Variants in SLC36A1 observed in about 807,000 individuals in gnomAD.
SLC36A1 encodes proton-coupled amino acid transporter 1.
In SLC36A1, 30 loss-of-function variants were observed where a neutral mutation model predicts 47.5. The ratio of observed to expected loss-of-function variants is 0.63; its 90% CI spans 0.47 to 0.86. The LOEUF is 0.86. SLC36A1 is among the 40% of genes least tolerant of loss of function. The pLI is 0.00. For missense variants in SLC36A1, 517 were observed against 606.0 expected, an observed-to-expected ratio of 0.85 and a Z score of 1.54; for synonymous variants, 255 against 249.7, an observed-to-expected ratio of 1.02 and a Z score of -0.20.
chr5:151,550,865 T>G, the SLC36A1 span: 1 of 1,612,780 alleles, frequency 6.2e-7, no homozygotes, highest in Non-Finnish European at 8.5e-7. Flanking sequence ...ATCATGAAGA[T>G]GTGGACCTAG....
At chr5:151,539,856 G>A in the SLC36A1 span, among the ~76,000 whole-genome samples, 2 of 152,170 alleles carry the variant, frequency 1.3e-5, no homozygotes, top group Non-Finnish European at 2.9e-5. Flanking sequence ...TGAATTACAT[G>A]AGATCCTTAG....
chr5:151,415,628 A>G, the SLC36A1 span, among the ~76,000 whole-genome samples: 1 of 152,132 alleles, frequency 6.6e-6, no homozygotes, highest in Non-Finnish European at 1.5e-5. Flanking sequence ...TCCCTACTAC[A>G]AGGTCATAAA....
At chr5:151,434,439 A>G (rs1037782010), upstream of SLC36A1, among the ~76,000 whole-genome samples, 8 of 152,338 alleles carry the variant, frequency 5.3e-5, no homozygotes, top group Admixed American at 5.2e-4. Flanking sequence ...TTTTAGTTGA[A>G]ATGGATGGGC....
the SLC36A1 span, among the ~76,000 whole-genome samples, chr5:151,414,536 C>T: frequency 2.0e-5 from 3 of 152,136 alleles, no homozygotes; most frequent in South Asian, 2.1e-4. Context: ...TTTCATCTGT[C>T]GTTGCTCAGA....
At chr5:151,513,588 TACTTG>T in the SLC36A1 span, among the ~76,000 whole-genome samples, 1 of 145,680 alleles carries the variant, frequency 6.9e-6, no homozygotes, top group African/African-American at 2.5e-5. Context: ...CATCAGGGCC[TACTTG>T]AGGGCAGAGG....
Position 151,455,731 on chromosome 5 carries a change from C to T in SLC36A1, c.-5-3057C>T, listed in dbSNP as rs374693474. On this transcript the variant is annotated intron_variant, in intron 1 of 10. Transcript: ENST00000243389. ...CTTGAACCAAGTGAGGACAGCTGCC[C>T]GGGACACACTTCCAAGTTGCCTGGG... 2.6e-5 allele frequency among the ~76,000 whole-genome samples: 4 copies of T among 152,272 alleles called. No homozygotes were observed. In the East Asian group the frequency reaches 7.7e-4, roughly 29 times the overall value.
intron 10 of SLC36A1, among the ~76,000 whole-genome samples, chr5:151,480,442 A>G (rs1453979386): frequency 6.6e-6 from 1 of 152,186 alleles, no homozygotes; most frequent in Non-Finnish European, 1.5e-5. Context: ...ATTAGGGTTG[A>G]ATGTTTTAAG....
the SLC36A1 span, among the ~76,000 whole-genome samples, chr5:151,404,486 G>C: frequency 6.6e-6 from 1 of 152,036 alleles, no homozygotes; most frequent in African/African-American, 2.4e-5. Flanking sequence ...GCCTTGATTG[G>C]GTAGTTGCTT....
At chr5:151,351,991 T>C in the SLC36A1 span, among the ~76,000 whole-genome samples, 12,027 of 152,266 alleles carry the variant, frequency 0.079, 1,229 homozygotes, top group African/African-American at 0.24. Flanking sequence ...ACCTTGTTCA[T>C]GTCTCTCCCT....
At chr5:151,510,203 C>A in the SLC36A1 span, 1 of 1,612,424 alleles carries the variant, frequency 6.2e-7, no homozygotes, top group Non-Finnish European at 8.5e-7. Context: ...AGGTGAGAGA[C>A]CGCACTGGCC....
chr5:151,493,049 T>C (rs1044960273), downstream of SLC36A1, among the ~76,000 whole-genome samples: 24 of 152,226 alleles, frequency 1.6e-4, no homozygotes, highest in Non-Finnish European at 2.9e-4. Flanking sequence ...TCCTACTGGC[T>C]TTGTTTCTCT....
the SLC36A1 span, among the ~76,000 whole-genome samples, chr5:151,552,571 G>A: frequency 6.6e-6 from 1 of 152,160 alleles, no homozygotes; most frequent in Non-Finnish European, 1.5e-5. Flanking sequence ...ATTTACATTT[G>A]TGTGTGTTTG....
At chr5:151,554,632 G>A in the SLC36A1 span, 1 of 1,614,016 alleles carries the variant, frequency 6.2e-7, no homozygotes, top group South Asian at 1.1e-5. Flanking sequence ...CCACCCTGGA[G>A]GTGGACTTCA....
At chr5:151,517,865 C>A in the SLC36A1 span, 2 of 1,411,932 alleles carry the variant, frequency 1.4e-6, no homozygotes, top group Non-Finnish European at 2.0e-6. Flanking sequence ...CAGACAGAAT[C>A]ATTGCTCATA....
chr5:151,382,024 C>G, the SLC36A1 span: 1 of 642,398 alleles, frequency 1.6e-6, no homozygotes, highest in Non-Finnish European at 2.8e-6. Context: ...ATGCCCAGCC[C>G]GGGAGCTCTC....
the SLC36A1 span, among the ~76,000 whole-genome samples, chr5:151,407,172 A>C: frequency 6.6e-6 from 1 of 152,214 alleles, no homozygotes; most frequent in African/African-American, 2.4e-5. Context: ...TATTGTGAAG[A>C]GCAAAAGAAC....
chr5:151,467,818 G>GTGC lies in SLC36A1; in HGVS notation c.622_624dup (p.Leu208dup). ...CATGCTCTCCTTCCTGCCCTTCCTG[G>GTGC]TGCTGCTGGTTTTCATCAGGAACCT... On this transcript the variant is annotated inframe_insertion, in exon 7 of 11. Coordinates refer to ENST00000243389, the MANE Select transcript of SLC36A1 (RefSeq NM_078483.4). 1 of 1,613,774 alleles carries GTGC rather than the reference G, an allele frequency of 6.2e-7. No homozygotes were observed.
At chr5:151,356,352 AAAAAAAAAG>A in the SLC36A1 span, among the ~76,000 whole-genome samples, 2 of 148,902 alleles carry the variant, frequency 1.3e-5, no homozygotes, top group African/African-American at 4.9e-5. Context: ...AAAAAAAAAA[AAAAAAAAAG>A]AATACACGAA....
the SLC36A1 span, chr5:151,528,218 C>A: frequency 4.0e-6 from 6 of 1,506,194 alleles, no homozygotes; most frequent in Non-Finnish European, 4.5e-6. Context: ...TGTCCCTGCC[C>A]CAGTGACTGC....
Sources: allele counts gnomAD v4.1 joint callset (sites outside exome capture counted in the v4.1 genomes callset), GRCh38; gene constraint gnomAD v4.1.1; transcripts MANE v1.5; gene names NCBI Gene and HGNC (gene_info 2026-07-23, HGNC 2026-07-21).